DYNLT2: variants seen among roughly 807,000 people sequenced by gnomAD.
DYNLT2 encodes dynein light chain Tctex-type 2, also known as dynein light chain Tctex-type protein 2.
In DYNLT2, 24 loss-of-function variants were observed where a neutral mutation model predicts 24.3. That is an observed-to-expected ratio of 0.99 (90% CI 0.71 to 1.39). The LOEUF (loss-of-function observed/expected upper bound fraction) is 1.39, where lower values mean the gene tolerates loss of function less well. DYNLT2 is among the 40% of genes most tolerant of loss of function. The pLI is 0.00. For missense variants in DYNLT2, 246 were observed against 234.5 expected, an observed-to-expected ratio of 1.05 and a Z score of -0.32; for synonymous variants, 85 against 85.4, an observed-to-expected ratio of 1.00 and a Z score of 0.03.
chr6:169,751,103 G>A, intron 1 of DYNLT2: 1 of 517,694 alleles, frequency 1.9e-6, no homozygotes, highest in Non-Finnish European at 3.3e-6. Context: ...ATCGACTTAT[G>A]TAGGGTTCTA....
downstream of DYNLT2, chr6:169,740,061 T>C (rs568104065): frequency 3.2e-6 from 2 of 627,762 alleles, no homozygotes; most frequent in East Asian, 2.8e-5. Context: ...AATAATACAA[T>C]TGAAAGGCCT....
At chr6:169,731,589 A>G in the DYNLT2 span, among the ~76,000 whole-genome samples, 12 of 152,174 alleles carry the variant, frequency 7.9e-5, no homozygotes, top group African/African-American at 2.9e-4. Flanking sequence ...TTTCACCACA[A>G]TACAATCTGC....
chr6:169,725,612 T>A, the DYNLT2 span: 1,004 of 307,642 alleles, frequency 3.3e-3, 5 homozygotes, highest in Non-Finnish European at 4.0e-3. Context: ...TTCTTTTCAC[T>A]GATCAGGGTA....
intron 3 of DYNLT2, among the ~76,000 whole-genome samples, 167 bp downstream of exon 3, chr6:169,742,913 A>T (rs1789710895): frequency 6.6e-6 from 1 of 152,156 alleles, no homozygotes; most frequent in South Asian, 2.1e-4. Context: ...TGTACTTTTC[A>T]AATAATTTAC....
At chr6:169,746,322 C>G (rs1789799573) in intron 1 of DYNLT2, among the ~76,000 whole-genome samples, 1 of 151,958 alleles carries the variant, frequency 6.6e-6, no homozygotes, top group Admixed American at 6.6e-5. Flanking sequence ...TTCTTTGAGG[C>G]TTATTTTAGC....
downstream of DYNLT2, among the ~76,000 whole-genome samples, chr6:169,736,872 TG>T (rs35909531): frequency 0.1 from 15,855 of 152,206 alleles, 874 homozygotes; most frequent in African/African-American, 0.12. Context: ...CTTCCTAGGT[TG>T]GGGAAGTTTT....
intron 1 of DYNLT2, among the ~76,000 whole-genome samples, chr6:169,748,781 G>A (rs1442002764): frequency 1.3e-5 from 2 of 152,176 alleles, no homozygotes; most frequent in Admixed American, 6.5e-5. Context: ...TGGGGCATTC[G>A]TGTGTGGCCT....
intron 1 of DYNLT2, among the ~76,000 whole-genome samples, chr6:169,746,903 G>C (rs914981101): frequency 1.3e-5 from 2 of 150,648 alleles, no homozygotes; most frequent in African/African-American, 4.9e-5. Flanking sequence ...ACACAGGATG[G>C]CTAAGGAGGG....
chr6:169,739,198 C>T (rs1212263843), downstream of DYNLT2, among the ~76,000 whole-genome samples: 7 of 147,804 alleles, frequency 4.7e-5, no homozygotes, highest in African/African-American at 1.8e-4. Flanking sequence ...ACTGGATCCA[C>T]AATTTTCTCC....
the DYNLT2 span, among the ~76,000 whole-genome samples, chr6:169,731,837 A>C: frequency 6.6e-6 from 1 of 152,204 alleles, no homozygotes; most frequent in Non-Finnish European, 1.5e-5. Flanking sequence ...GAAAGAACAG[A>C]ACTAAAGGTA....
At position 169,740,239 on chromosome 6, in the gene DYNLT2, G is replaced by A. The variant is rs772962511; in HGVS notation, c.543C>T (p.His181=). 2.7e-5 allele frequency: 43 copies of A among 1,613,860 alleles called. No homozygotes were observed. Among genetic ancestry groups the A allele is most frequent in the South Asian group, 8.8e-5 (8 of 91,074 alleles). The change falls in exon 4 of 4, where the codon CAC becomes CAT. Residue 181 remains histidine (H), a synonymous_variant. Coordinates refer to ENST00000366774, the MANE Select transcript of DYNLT2 (RefSeq NM_174910.3). ...IAWDSWVAAK[H]EAESYVALVL... ...CCAGTGCCACGTAGGATTCTGCTTC[G>A]TGTTTAGCTGCGACCCAGCTGTCCC...
At chr6:169,725,334 A>G in the DYNLT2 span, 3 of 398,550 alleles carry the variant, frequency 7.5e-6, no homozygotes, top group African/African-American at 6.2e-5. Flanking sequence ...CAACAAACAA[A>G]AGTTGGGAAA....
At chr6:169,731,988 C>A in the DYNLT2 span, among the ~76,000 whole-genome samples, 3 of 152,284 alleles carry the variant, frequency 2.0e-5, no homozygotes, top group African/African-American at 4.8e-5. Context: ...GCAGTCAACT[C>A]AATTACCAGG....
intron 2 of DYNLT2, among the ~76,000 whole-genome samples, chr6:169,743,513 T>C (rs1043163177): frequency 3.3e-5 from 5 of 152,152 alleles, no homozygotes; most frequent in Non-Finnish European, 5.9e-5. Flanking sequence ...AAACAGTTAA[T>C]AGACACAAGG....
chr6:169,744,268 G>T lies in DYNLT2; in HGVS notation c.127C>A (p.Gln43Lys). Residue 43 changes from glutamine to lysine, a missense_variant, in exon 2 of 4, where the codon CAG (glutamine) becomes AAG (lysine). Gln to Lys is a moderately conservative substitution (Grantham distance 53). Coordinates refer to ENST00000366774, the MANE Select transcript of DYNLT2 (RefSeq NM_174910.3). ...TCTCTCAGTCTTTCTCTTAAAATCTGTGTATACTGGAGGAGAAAGAGAGAG... is the reference window on the plus strand; with the variant it reads ...TCTCTCAGTCTTTCTCTTAAAATCTTTGTATACTGGAGGAGAAAGAGAGAG... The part of the protein sequence containing the change: ...PSMFEKEAYT[Q>K]ILRERLRESI... The T allele has an allele frequency of 6.2e-7, 1 of 1,612,692 alleles. No homozygotes were observed. The highest frequency in any genetic ancestry group is 8.5e-7 in the Non-Finnish European group (1 of 1,179,378).
chr6:169,730,854 T>TA, the DYNLT2 span, among the ~76,000 whole-genome samples: 1 of 152,148 alleles, frequency 6.6e-6, no homozygotes, highest in Non-Finnish European at 1.5e-5. Context: ...GCCGATGGAC[T>TA]GAAGGAAATG....
At chr6:169,725,555 ACTT>A in the DYNLT2 span, 1 of 384,010 alleles carries the variant, frequency 2.6e-6, no homozygotes, top group African/African-American at 2.1e-5. Context: ...CTTCCGCCGC[ACTT>A]CTTGTCTGAA....
chr6:169,740,484 T>A (rs1336903655), intron 3 of DYNLT2, among the ~76,000 whole-genome samples, 189 bp from the exon 4 acceptor site: 1 of 152,176 alleles, frequency 6.6e-6, no homozygotes, highest in East Asian at 1.9e-4. Context: ...TCCTTCTTCT[T>A]TACCGGAGGC....
At chr6:169,729,466 A>G in the DYNLT2 span, among the ~76,000 whole-genome samples, 1 of 152,128 alleles carries the variant, frequency 6.6e-6, no homozygotes, top group African/African-American at 2.4e-5. Context: ...ATGTTAGTTT[A>G]TCACTGGGAA....
Sources: allele counts gnomAD v4.1 joint callset (sites outside exome capture counted in the v4.1 genomes callset), GRCh38; gene constraint gnomAD v4.1.1; transcripts MANE v1.5; gene names NCBI Gene and HGNC (gene_info 2026-07-23, HGNC 2026-07-21).